Variants in DCC observed in about 807,000 individuals in gnomAD.
DCC encodes netrin receptor DCC.
In DCC, 58 loss-of-function variants were observed where a neutral mutation model predicts 172.5. The observed-to-expected ratio is 0.34, with a 90% confidence interval of 0.27 to 0.42. The LOEUF (loss-of-function observed/expected upper bound fraction) is 0.42, where lower values mean the gene tolerates loss of function less well. DCC is among the 10% of genes least tolerant of loss of function. DCC has a pLI of 1.00. For missense variants in DCC, 1,740 were observed against 1,791.0 expected (o/e 0.97, Z 0.51); for synonymous variants, 709 against 644.5 (o/e 1.10, Z -1.52).
intron 1 of DCC, among the ~76,000 whole-genome samples, chr18:52,486,208 A>G (rs189749737): frequency 2.0e-5 from 3 of 152,242 alleles, no homozygotes; most frequent in East Asian, 1.9e-4. Flanking sequence ...GAGCATCAGT[A>G]TCACCTGCAA....
At chr18:52,384,461 T>G (rs1013345328) in intron 1 of DCC, among the ~76,000 whole-genome samples, 1 of 152,150 alleles carries the variant, frequency 6.6e-6, no homozygotes. Flanking sequence ...ACCACATTCC[T>G]GTGGAGACCA....
At chr18:52,386,539 T>C (rs1043854976) in intron 1 of DCC, among the ~76,000 whole-genome samples, 1 of 152,012 alleles carries the variant, frequency 6.6e-6, no homozygotes, top group Non-Finnish European at 1.5e-5. Context: ...TTGAAAGAAA[T>C]GGAGTGATAT....
intron 9 of DCC, among the ~76,000 whole-genome samples, chr18:53,183,377 T>C (rs548627085): frequency 2.0e-5 from 3 of 152,310 alleles, no homozygotes; most frequent in South Asian, 2.1e-4. Context: ...CCCCTGCCTT[T>C]ATGGTATGTA....
chr18:52,674,245 C>A (rs1195377893), intron 1 of DCC, among the ~76,000 whole-genome samples: 3 of 152,028 alleles, frequency 2.0e-5, no homozygotes, highest in Non-Finnish European at 4.4e-5. Context: ...AAGCTGGAGA[C>A]CAAGCTTGCA....
intron 11 of DCC, among the ~76,000 whole-genome samples, chr18:53,212,685 T>C (rs955776586): frequency 7.3e-6 from 1 of 136,712 alleles, no homozygotes; most frequent in African/African-American, 2.7e-5. Context: ...TTTTCTTTTT[T>C]TTTGAGACAG....
chr18:53,188,480 T>G (rs974564356), intron 9 of DCC, among the ~76,000 whole-genome samples: 3 of 152,214 alleles, frequency 2.0e-5, no homozygotes, highest in African/African-American at 7.2e-5. Flanking sequence ...CTGCTTGTTT[T>G]GGGATAATAT....
intron 1 of DCC, among the ~76,000 whole-genome samples, chr18:52,507,458 T>G (rs1352868327): frequency 6.6e-6 from 1 of 152,218 alleles, no homozygotes. Context: ...AAAGATGGAA[T>G]AGTAAAATGG....
At chr18:52,506,915 G>A (rs556488131) in intron 1 of DCC, among the ~76,000 whole-genome samples, 3 of 152,052 alleles carry the variant, frequency 2.0e-5, no homozygotes, top group African/African-American at 2.4e-5. Flanking sequence ...TTGTAGCATT[G>A]ATATTTTAAA....
Position 53,445,210 on chromosome 18 carries a change from T to C in DCC, c.3230-5290T>C, listed in dbSNP as rs1467953336. 2.6e-5 allele frequency among the ~76,000 whole-genome samples: 4 copies of C among 152,314 alleles called. No homozygotes were observed. In the South Asian group the frequency reaches 8.3e-4, roughly 32 times the overall value. ...CATCTTATTTCAGGGGGAAATACTT[T>C]GAAACGATCAAGGCCGTATGAACTT... On this transcript the variant is annotated intron_variant, in intron 22 of 28. Transcript: ENST00000442544.
At chr18:52,624,908 A>C (rs2034545543) in intron 1 of DCC, among the ~76,000 whole-genome samples, 1 of 152,126 alleles carries the variant, frequency 6.6e-6, no homozygotes, top group South Asian at 2.1e-4. Context: ...GTTGCCTATG[A>C]ATGGGGATAC....
chr18:52,931,435 T>A (rs1402969457), intron 5 of DCC, among the ~76,000 whole-genome samples: 1 of 152,086 alleles, frequency 6.6e-6, no homozygotes, highest in Non-Finnish European at 1.5e-5. Context: ...AGACTCTTGT[T>A]TTGCCTTTCA....
At chr18:53,426,509 C>G (rs1021741232) in intron 21 of DCC, among the ~76,000 whole-genome samples, 87 of 147,906 alleles carry the variant, frequency 5.9e-4, no homozygotes, top group African/African-American at 2.0e-3. Context: ...CACTGGTTGG[C>G]CTGGCAAAGT....
At chr18:53,287,487 A>C (rs1031316133) in intron 12 of DCC, among the ~76,000 whole-genome samples, 3 of 152,132 alleles carry the variant, frequency 2.0e-5, no homozygotes, top group African/African-American at 7.2e-5. Context: ...GTTTTCAGTT[A>C]CCTTAGGTAT....
intron 19 of DCC, among the ~76,000 whole-genome samples, chr18:53,405,732 A>G (rs1437940963): frequency 1.3e-5 from 2 of 152,200 alleles, no homozygotes; most frequent in African/African-American, 4.8e-5. Context: ...TACATTAAGC[A>G]TTTATTATAT....
At chr18:52,917,137 C>CAAAAAAAAAAAAACAAAAA (rs2040053984) in intron 3 of DCC, among the ~76,000 whole-genome samples, 1 of 94,820 alleles carries the variant, frequency 1.1e-5, no homozygotes. Flanking sequence ...AAAAAGAAAA[C>CAAAAAAAAAAAAACAAAAA]AAAAAAAAAA....
intron 13 of DCC, among the ~76,000 whole-genome samples, chr18:53,318,413 A>G (rs1454707407): frequency 1.3e-5 from 2 of 152,094 alleles, no homozygotes; most frequent in African/African-American, 4.8e-5. Flanking sequence ...TATGTGGTCA[A>G]TTTTAGAATA....
intron 5 of DCC, among the ~76,000 whole-genome samples, chr18:53,057,447 T>C (rs886701887): frequency 2.0e-5 from 3 of 152,240 alleles, no homozygotes; most frequent in Non-Finnish European, 4.4e-5. Context: ...CTATCACTTA[T>C]TAGTTTTGGT....
At chr18:53,252,248 C>T (rs549651300) in intron 12 of DCC, among the ~76,000 whole-genome samples, 57 of 151,934 alleles carry the variant, frequency 3.8e-4, no homozygotes, top group Non-Finnish European at 6.5e-4. Context: ...TGCATGTGCT[C>T]ATTTACATAC....
chr18:53,468,806 A>G (rs1194825131), intron 25 of DCC, among the ~76,000 whole-genome samples: 2 of 152,194 alleles, frequency 1.3e-5, no homozygotes, highest in Non-Finnish European at 2.9e-5. Flanking sequence ...GTTTTCTGTC[A>G]TCCTCCCACA....
Sources: gnomAD v4.1 joint callset for allele counts (sites outside exome capture counted in the v4.1 genomes callset) on GRCh38, gnomAD v4.1.1 for gene constraint, MANE v1.5 for transcripts, NCBI Gene and HGNC (gene_info 2026-07-23, HGNC 2026-07-21) for gene names.